The following NLRP1 variants were observed in gnomAD, a reference collection of about 807,000 sequenced individuals.
NLRP1 encodes NACHT, LRR and PYD domains-containing protein 1.
Under a neutral mutation model 136.7 loss-of-function variants are expected in NLRP1, and 94 were observed. The ratio of observed to expected loss-of-function variants is 0.69; its 90% CI spans 0.58 to 0.82. The LOEUF is 0.82. Among genes scored for constraint, NLRP1 ranks in the 40% least tolerant of loss-of-function variants. The pLI is 0.00. For synonymous variants in NLRP1, 690 were observed against 725.1 expected (o/e 0.95, Z 0.78); for missense variants, 1,575 against 1,802.7 (o/e 0.87, Z 2.29).
intron 12 of NLRP1, among the ~76,000 whole-genome samples, chr17:5,527,154 G>T (rs1471590425): frequency 1.3e-5 from 2 of 152,218 alleles, no homozygotes; most frequent in South Asian, 2.1e-4. Flanking sequence ...TGTGGCAGGG[G>T]TGTCCAATCT....
At chr17:5,536,981 A>G (rs200323749) in intron 7 of NLRP1, 41 bp from the exon 8 acceptor site, 7 of 1,443,518 alleles carry the variant, frequency 4.8e-6, no homozygotes, top group African/African-American at 4.2e-5. Context: ...GGGATCCCCC[A>G]TGTGGTCCCC....
At chr17:5,511,987 C>A (rs772234153), downstream of NLRP1, 11 of 508,322 alleles carry the variant, frequency 2.2e-5, no homozygotes, top group Non-Finnish European at 4.0e-5. Flanking sequence ...GTGAAGTGGG[C>A]CTGGTTTAGA....
chr17:5,534,031 G>A, intron 8 of NLRP1, 43 bp from the exon 9 acceptor site: 2 of 1,360,996 alleles, frequency 1.5e-6, no homozygotes, highest in South Asian at 1.2e-5. Context: ...CTTGGAGGAA[G>A]CGAGGGCTGT....
At chr17:5,536,468 T>C (rs1400748634) in intron 8 of NLRP1, among the ~76,000 whole-genome samples, 3 of 143,800 alleles carry the variant, frequency 2.1e-5, no homozygotes, top group South Asian at 4.9e-4. Context: ...TTTTTTTTTT[T>C]GAGATGCAGT....
intron 3 of NLRP1, among the ~76,000 whole-genome samples, chr17:5,578,985 A>G (rs1352212337): frequency 6.6e-6 from 1 of 152,172 alleles, no homozygotes; most frequent in Non-Finnish European, 1.5e-5. Context: ...GCTGGAAACC[A>G]TCATTCTCAG....
At chr17:5,518,831 C>A (rs1908483556) in intron 14 of NLRP1, among the ~76,000 whole-genome samples, 1 of 149,818 alleles carries the variant, frequency 6.7e-6, no homozygotes, top group South Asian at 2.1e-4. Context: ...TACCCAACCA[C>A]AACAGCATTT....
chr17:5,517,339 G>T, intron 15 of NLRP1, among the ~76,000 whole-genome samples: 1 of 115,272 alleles, frequency 8.7e-6, no homozygotes, highest in South Asian at 2.7e-4. Flanking sequence ...AACTGTGATA[G>T]TGCACTCTGC....
chr17:5,564,743 T>TTG (rs1364982034), intron 3 of NLRP1, among the ~76,000 whole-genome samples: 1 of 145,556 alleles, frequency 6.9e-6, no homozygotes, highest in Non-Finnish European at 1.5e-5. Context: ...TGTTTTTTTT[T>TTG]TTTTTTTTTT....
chr17:5,536,795 C>T (rs1911126909), intron 8 of NLRP1, 56 bp downstream of exon 8: 1 of 1,280,322 alleles, frequency 7.8e-7, no homozygotes, highest in Non-Finnish European at 1.1e-6. Flanking sequence ...CTTTCCCTGT[C>T]TCCTGCTCAG....
chr17:5,526,835 C>T (rs533102655), intron 12 of NLRP1, among the ~76,000 whole-genome samples: 68 of 152,342 alleles, frequency 4.5e-4, no homozygotes, highest in African/African-American at 1.4e-3. Context: ...TGAGAATGCC[C>T]ATTGCCACGG....
intron 4 of NLRP1, among the ~76,000 whole-genome samples, chr17:5,553,941 A>T (rs11652979): frequency 0.065 from 9,923 of 151,772 alleles, 405 homozygotes; most frequent in African/African-American, 0.11. Context: ...AAAATTTTTT[A>T]AAAAAATTTG....
At chr17:5,532,776 G>A in intron 11 of NLRP1, 46 bp downstream of exon 11, 1 of 1,522,322 alleles carries the variant, frequency 6.6e-7, no homozygotes, top group Non-Finnish European at 8.8e-7. Flanking sequence ...GATGGGCAGT[G>A]GGGTGCGGGA....
At chr17:5,547,472 TC>T (rs927523293) in intron 5 of NLRP1, among the ~76,000 whole-genome samples, 1 of 152,188 alleles carries the variant, frequency 6.6e-6, no homozygotes, top group Non-Finnish European at 1.5e-5. Context: ...GGAATGTCCT[TC>T]CCCAGCCCAT....
chr17:5,517,123 A>G (rs1365714751), intron 15 of NLRP1, among the ~76,000 whole-genome samples: 1 of 152,228 alleles, frequency 6.6e-6, no homozygotes, highest in Non-Finnish European at 1.5e-5. Flanking sequence ...CACCCAAACT[A>G]TCATGAGAAA....
chr17:5,502,927 A>G (rs1254547516), intron 15 of NLRP1: 1 of 152,076 alleles, frequency 6.6e-6, no homozygotes, highest in Non-Finnish European at 1.5e-5. Context: ...TAAGGTGTGT[A>G]AGGTGGAGTG....
intron 4 of NLRP1, among the ~76,000 whole-genome samples, chr17:5,556,626 A>ATT (rs35933109): frequency 6.1e-4 from 89 of 146,736 alleles, no homozygotes; most frequent in Middle Eastern, 3.6e-3. Context: ...TTGACCACTA[A>ATT]TTTTTTTTTT....
At chr17:5,513,436 C>T (rs943031661), downstream of NLRP1, among the ~76,000 whole-genome samples, 6 of 152,176 alleles carry the variant, frequency 3.9e-5, no homozygotes, top group Non-Finnish European at 7.4e-5. Flanking sequence ...TATGAATTAT[C>T]ACTAGGTGCT....
At chr17:5,539,615 C>G (rs989108511) in intron 6 of NLRP1, 30 bp from the exon 7 acceptor site, 1 of 1,574,162 alleles carries the variant, frequency 6.4e-7, no homozygotes. Context: ...CAGCCCAGGT[C>G]ATTGTCCTAA....
rs188806532 is a variant in NLRP1 at position 5,562,880 on chromosome 17, C to T, written c.653-2837G>A. ...ACCCCCACTGGACTGTTGAGGCCAG[C>T]GGACTGGGAACACCTTGGCCCCTCT... On this transcript the variant is annotated intron_variant, in intron 3 of 16. Coordinates refer to ENST00000572272, the MANE Select transcript of NLRP1 (RefSeq NM_033004.4). Among the ~76,000 whole-genome samples the T allele has an allele frequency of 2.9e-4, 44 of 152,294 alleles. No homozygotes were observed. The East Asian group carries it at 6.4e-3, about 22-fold the overall frequency.
Sources: gnomAD v4.1 joint callset for allele counts (sites outside exome capture counted in the v4.1 genomes callset) on GRCh38, gnomAD v4.1.1 for gene constraint, MANE v1.5 for transcripts, NCBI Gene and HGNC (gene_info 2026-07-23, HGNC 2026-07-21) for gene names.